ANKS1B: variants seen among roughly 807,000 people sequenced by gnomAD.
ANKS1B encodes the protein ankyrin repeat and sterile alpha motif domain-containing protein 1B.
ANKS1B carries 36 observed loss-of-function variants against 148.3 expected under a neutral mutation model. That is an observed-to-expected ratio of 0.24 (90% CI 0.19 to 0.32). The LOEUF is 0.32. ANKS1B is among the 10% of genes least tolerant of loss of function. ANKS1B has a pLI of 1.00. For missense variants in ANKS1B, 1,157 were observed against 1,542.6 expected, an observed-to-expected ratio of 0.75 and a Z score of 4.19; for synonymous variants, 542 against 560.8, an observed-to-expected ratio of 0.97 and a Z score of 0.47.
chr12:99,124,123 T>C (rs1399072503), intron 15 of ANKS1B, among the ~76,000 whole-genome samples: 1 of 152,118 alleles, frequency 6.6e-6, no homozygotes, highest in Non-Finnish European at 1.5e-5. Context: ...TAATCTGACA[T>C]CTACTTTAGG....
At position 98,935,513 on chromosome 12, in the gene ANKS1B, C is replaced by T. The variant is rs1386987336; in HGVS notation, c.2779-103377G>A. Among the ~76,000 whole-genome samples, 3 of 152,238 alleles carry T rather than the reference C, an allele frequency of 2.0e-5. No homozygotes were observed. In the East Asian group the frequency reaches 5.8e-4, roughly 29 times the overall value. ...TAAAATAAATTTGGAAGTATTCTTC[C>T]CTCTTCAAGTTTTTGGAAGAGTTTG... On this transcript the variant is annotated intron_variant, in intron 17 of 26. Transcript: ENST00000683438.
At chr12:99,292,287 C>A (rs575861052) in intron 12 of ANKS1B, among the ~76,000 whole-genome samples, 1 of 151,382 alleles carries the variant, frequency 6.6e-6, no homozygotes, top group South Asian at 2.1e-4. Context: ...GGTCAAGAGA[C>A]CGAGACTATT....
At chr12:99,456,155 G>C (rs1176690661) in intron 10 of ANKS1B, among the ~76,000 whole-genome samples, 1 of 152,048 alleles carries the variant, frequency 6.6e-6, no homozygotes, top group African/African-American at 2.4e-5. Context: ...CCACTGGGAG[G>C]CTAGATTCAG....
At chr12:99,536,617 T>C (rs888788273) in intron 9 of ANKS1B, among the ~76,000 whole-genome samples, 1 of 148,720 alleles carries the variant, frequency 6.7e-6, no homozygotes, top group Non-Finnish European at 1.5e-5. Flanking sequence ...AATTTTTATT[T>C]TAATTTAAAT....
At chr12:98,791,103 T>C (rs1170838865) in intron 22 of ANKS1B, among the ~76,000 whole-genome samples, 4 of 152,082 alleles carry the variant, frequency 2.6e-5, no homozygotes, top group African/African-American at 7.2e-5. Flanking sequence ...TCCCAGCACT[T>C]TGGGAGGCCG....
chr12:99,412,319 C>A (rs1052754810), intron 11 of ANKS1B, among the ~76,000 whole-genome samples: 2 of 152,126 alleles, frequency 1.3e-5, no homozygotes, highest in Non-Finnish European at 2.9e-5. Context: ...ACATTAGGAG[C>A]TTCAGGGGGT....
chr12:99,030,445 C>T (rs571734702), intron 17 of ANKS1B, among the ~76,000 whole-genome samples: 1 of 152,084 alleles, frequency 6.6e-6, no homozygotes, highest in South Asian at 2.1e-4. Context: ...CAGCTTCCCC[C>T]CAACCCCCAC....
Position 99,281,206 on chromosome 12 carries a change from T to C in ANKS1B, c.1757-34342A>G, listed in dbSNP as rs1201805990. The stretch of plus-strand genomic sequence containing the variant: ...AACATGAATGAGAAATAAACACTTA[T>C]TGTGCTGATCCACTCAGAGTATGCG... On this transcript the variant is annotated intron_variant, in intron 12 of 26. Transcript: ENST00000683438. Among the ~76,000 whole-genome samples the C allele has an allele frequency of 5.3e-5, 8 of 152,188 alleles. No homozygotes were observed. In the South Asian group the frequency reaches 6.2e-4, roughly 12 times the overall value.
At chr12:99,505,634 A>T (rs900673364) in intron 9 of ANKS1B, among the ~76,000 whole-genome samples, 3 of 147,950 alleles carry the variant, frequency 2.0e-5, no homozygotes, top group Admixed American at 6.8e-5. Flanking sequence ...TTTATATATT[A>T]TATATATATG....
chr12:98,975,240 CCTTCCTT>C (rs1342168257), intron 17 of ANKS1B, among the ~76,000 whole-genome samples: 1 of 143,926 alleles, frequency 6.9e-6, no homozygotes, highest in Non-Finnish European at 1.5e-5. Context: ...CTCCTTCCTT[CCTTCCTT>C]CTTTCTTTCC....
intron 10 of ANKS1B, among the ~76,000 whole-genome samples, chr12:99,500,062 T>C (rs893207941): frequency 5.3e-5 from 8 of 152,126 alleles, no homozygotes; most frequent in Admixed American, 3.3e-4. Context: ...AAAGAAAACG[T>C]AACTGTAAGC....
intron 12 of ANKS1B, among the ~76,000 whole-genome samples, chr12:99,292,026 A>C (rs892438102): frequency 6.6e-6 from 1 of 152,228 alleles, no homozygotes; most frequent in Non-Finnish European, 1.5e-5. Flanking sequence ...TTAAAGACTT[A>C]AATGATAGAC....
chr12:99,959,211 C>T (rs1434582245), intron 1 of ANKS1B, among the ~76,000 whole-genome samples: 1 of 149,258 alleles, frequency 6.7e-6, no homozygotes, highest in Non-Finnish European at 1.5e-5. Flanking sequence ...CAGGTGCAGG[C>T]CACCACACCC....
intron 9 of ANKS1B, among the ~76,000 whole-genome samples, chr12:99,629,707 T>C (rs111323639): frequency 0.016 from 2,457 of 152,226 alleles, 29 homozygotes; most frequent in Middle Eastern, 0.031. Context: ...AGAGAGTGGA[T>C]AACTTATTAA....
At chr12:98,908,849 T>C (rs1037781510) in intron 17 of ANKS1B, among the ~76,000 whole-genome samples, 2 of 152,174 alleles carry the variant, frequency 1.3e-5, no homozygotes, top group Admixed American at 6.5e-5. Context: ...AGTGGAAATA[T>C]TGAATGGGGT....
In ANKS1B at chr12:98,927,033, T is replaced by C. The variant is rs76541915; in HGVS notation, c.2779-94897A>G. Among the ~76,000 whole-genome samples the C allele has an allele frequency of 3.0e-4, 46 of 152,124 alleles. No individual in the cohort carries two copies. The East Asian group carries it at 8.5e-3, about 28-fold the overall frequency. On this transcript the variant is annotated intron_variant, in intron 17 of 26. Transcript: ENST00000683438. Reference sequence around the variant, plus strand: ...TGCAAGAAGCCCAGTGAACTCCAAGTAGGGCAAACTCAAAGAGATCCTTAC... The same window carrying C: ...TGCAAGAAGCCCAGTGAACTCCAAGCAGGGCAAACTCAAAGAGATCCTTAC...
intron 1 of ANKS1B, among the ~76,000 whole-genome samples, chr12:99,873,952 C>T (rs912859197): frequency 6.6e-6 from 1 of 151,480 alleles, no homozygotes; most frequent in African/African-American, 2.4e-5. Flanking sequence ...AGATTTTGGA[C>T]TTGCCAAATC....
intron 8 of ANKS1B, among the ~76,000 whole-genome samples, chr12:99,728,768 C>T (rs150288990): frequency 1.5e-4 from 23 of 152,274 alleles, no homozygotes; most frequent in African/African-American, 4.8e-4. Context: ...TAAATATACA[C>T]GATGGAATAC....
intron 17 of ANKS1B, among the ~76,000 whole-genome samples, chr12:98,928,204 C>A (rs1414891605): frequency 1.3e-5 from 2 of 151,212 alleles, no homozygotes; most frequent in African/African-American, 4.8e-5. Context: ...TGAACAAATA[C>A]CTAAAAAACC....
Sources: allele counts gnomAD v4.1 joint callset (sites outside exome capture counted in the v4.1 genomes callset), GRCh38; gene constraint gnomAD v4.1.1; transcripts MANE v1.5; gene names NCBI Gene and HGNC (gene_info 2026-07-23, HGNC 2026-07-21).